Variants in SLF2 observed in about 807,000 individuals in gnomAD.
SLF2 encodes the protein SMC5/6 complex localization factor 2, also known as SMC5-SMC6 complex localization factor protein 2.
In SLF2, 68 loss-of-function variants were observed where a neutral mutation model predicts 124.3. That is an observed-to-expected ratio of 0.55 (90% CI 0.45 to 0.67). The LOEUF (loss-of-function observed/expected upper bound fraction) is 0.67, where lower values mean the gene tolerates loss of function less well. Ranked by LOEUF, SLF2 falls within the 30% of genes least tolerant of loss-of-function variation. The probability of loss-of-function intolerance (pLI) is 0.00; values close to 1 mark genes in which losing one functional copy is unlikely to be tolerated. For missense variants in SLF2, 1,246 were observed against 1,373.7 expected (o/e 0.91, Z 1.47); for synonymous variants, 480 against 478.8 (o/e 1.00, Z -0.03).
chr10:100,927,721 C>A (rs1009976156), intron 6 of SLF2, among the ~76,000 whole-genome samples: 1 of 152,130 alleles, frequency 6.6e-6, no homozygotes, highest in African/African-American at 2.4e-5. Context: ...AATAAGGGTT[C>A]CAGTTTCTCC....
At chr10:100,926,618 A>AAAT (rs34860184) in intron 6 of SLF2, 1 of 163,404 alleles carries the variant, frequency 6.1e-6, no homozygotes, top group African/African-American at 2.4e-5. Flanking sequence ...AAAAAAAAAA[A>AAAT]GTGGGGGGCC....
chr10:100,919,661 G>T (rs1171227265), intron 4 of SLF2, among the ~76,000 whole-genome samples: 1 of 152,174 alleles, frequency 6.6e-6, no homozygotes, highest in East Asian at 1.9e-4. Flanking sequence ...ATAGTCTAGT[G>T]TATCCGATTT....
At chr10:100,960,506 A>T (rs942424329) in intron 19 of SLF2, among the ~76,000 whole-genome samples, 3 of 152,214 alleles carry the variant, frequency 2.0e-5, no homozygotes, top group Admixed American at 6.5e-5. Flanking sequence ...TTCCCTAATG[A>T]TTAATGGTGT....
intron 18 of SLF2, among the ~76,000 whole-genome samples, chr10:100,959,139 C>T (rs1250929779): frequency 6.6e-6 from 1 of 152,112 alleles, no homozygotes; most frequent in Admixed American, 6.5e-5. Flanking sequence ...AAGTTAAGTT[C>T]CTTTGAAGGC....
At chr10:100,948,793 G>A (rs561281692) in intron 15 of SLF2, among the ~76,000 whole-genome samples, 1 of 152,324 alleles carries the variant, frequency 6.6e-6, no homozygotes, top group East Asian at 1.9e-4. Flanking sequence ...GGCTGAGGCA[G>A]GAGAATGACA....
At chr10:100,954,051 G>A (rs1589967182) in intron 17 of SLF2, among the ~76,000 whole-genome samples, 1 of 151,660 alleles carries the variant, frequency 6.6e-6, no homozygotes, top group Non-Finnish European at 1.5e-5. Context: ...GAGCCCAGGA[G>A]TTCAAGTCCA....
intron 7 of SLF2, 47 bp from the exon 8 acceptor site, chr10:100,929,783 T>A (rs750761696): frequency 7.1e-7 from 1 of 1,413,588 alleles, no homozygotes. Flanking sequence ...TACAAAACTA[T>A]ATGTAGTGTA....
At chr10:100,946,625 C>T (rs1428086243) in intron 13 of SLF2, among the ~76,000 whole-genome samples, 1 of 152,000 alleles carries the variant, frequency 6.6e-6, no homozygotes, top group Non-Finnish European at 1.5e-5. Context: ...CCACACCTGG[C>T]CAGGTGTTAG....
chr10:100,942,129 C>T (rs1330163814), intron 11 of SLF2, among the ~76,000 whole-genome samples: 1 of 152,040 alleles, frequency 6.6e-6, no homozygotes, highest in African/African-American at 2.4e-5. Flanking sequence ...CTGTAGACAC[C>T]AACTAGATGT....
chr10:100,948,931 G>A (rs1850159472), intron 15 of SLF2, among the ~76,000 whole-genome samples: 1 of 152,182 alleles, frequency 6.6e-6, no homozygotes, highest in Non-Finnish European at 1.5e-5. Flanking sequence ...CTTTGTTCTT[G>A]TTTGAATTGC....
At chr10:100,937,567 T>G in intron 10 of SLF2, 90 bp downstream of exon 10, 1 of 869,574 alleles carries the variant, frequency 1.1e-6, no homozygotes, top group Non-Finnish European at 1.9e-6. Flanking sequence ...TTAGTATATT[T>G]GGAAATATAC....
Position 100,950,154 on chromosome 10 carries a change from G to C in SLF2, c.3199G>C (p.Glu1067Gln). The change falls in exon 16 of 20, where the codon GAA becomes CAA. Residue 1067 changes from glutamate (E) to glutamine (Q), a missense_variant. Coordinates refer to ENST00000238961, the MANE Select transcript of SLF2 (RefSeq NM_018121.4). ...GAAAATGGTCTTGAAGAAAAAGGCT[G>C]AACAACCAGATGGCATTATTGATGA... ...LKKMVLKKKA[E>Q]QPDGIIDDSL... The C allele has an allele frequency of 6.2e-7, 1 of 1,613,850 alleles. No individual in the cohort carries two copies. Among genetic ancestry groups the C allele is most frequent in the Non-Finnish European group, 8.5e-7 (1 of 1,179,898 alleles).
At chr10:100,943,938 A>G (rs1056323848) in intron 11 of SLF2, 88 bp from the exon 12 acceptor site, 20 of 770,450 alleles carry the variant, frequency 2.6e-5, no homozygotes, top group Admixed American at 9.6e-5. Flanking sequence ...TCGATAAAAC[A>G]TAGTTTTTAA....
chr10:100,937,254 G>T, intron 9 of SLF2, 148 bp from the exon 10 acceptor site: 1 of 669,050 alleles, frequency 1.5e-6, no homozygotes, highest in Admixed American at 2.4e-5. Context: ...CAAGGTATCC[G>T]CCCGCCTTAG....
intron 6 of SLF2, 51 bp from the exon 7 acceptor site, chr10:100,929,266 T>C (rs1475177636): frequency 1.3e-6 from 2 of 1,525,604 alleles, no homozygotes; most frequent in Non-Finnish European, 1.8e-6. Context: ...CTAAAGACTT[T>C]TTAAAAATAT....
intron 17 of SLF2, among the ~76,000 whole-genome samples, chr10:100,953,456 C>T (rs934935708): frequency 6.7e-6 from 1 of 149,654 alleles, no homozygotes; most frequent in Non-Finnish European, 1.5e-5. Flanking sequence ...AATGCCATCT[C>T]TGTTTAAAAA....
chr10:100,940,920 C>T (rs942994234), intron 11 of SLF2, among the ~76,000 whole-genome samples: 17 of 150,216 alleles, frequency 1.1e-4, no homozygotes, highest in South Asian at 2.1e-4. Context: ...ACTGCAGCCT[C>T]GAACTCCTGA....
At chr10:100,940,682 C>G (rs1448654550) in intron 11 of SLF2, among the ~76,000 whole-genome samples, 2 of 151,358 alleles carry the variant, frequency 1.3e-5, no homozygotes, top group Admixed American at 1.3e-4. Context: ...AAGATACAAC[C>G]CCACTCACTG....
At position 100,946,325 on chromosome 10, in the gene SLF2, CT is replaced by C. The variant is rs34242980; in HGVS notation, c.2935-696del. ...TAATACATATTTTGGGGGTGTTAGG[CT>C]TTTTTTTTTTTTTTTTTCTGTAAGA... On this transcript the variant is annotated intron_variant, in intron 13 of 19. Transcript: ENST00000238961. Among the ~76,000 whole-genome samples, 256 of 124,920 alleles carry C rather than the reference CT, an allele frequency of 2.0e-3. 1 individual carries two copies. The highest frequency in any genetic ancestry group is 3.0e-3 in the African/African-American group (101 of 33,734). The allele number at this position is 124,920 out of a possible 152,430, so 82.0% of individuals were successfully genotyped here.
Sources: gnomAD v4.1 joint callset for allele counts (sites outside exome capture counted in the v4.1 genomes callset) on GRCh38, gnomAD v4.1.1 for gene constraint, MANE v1.5 for transcripts, NCBI Gene and HGNC (gene_info 2026-07-23, HGNC 2026-07-21) for gene names.